IL1RAPL1: variants seen among roughly 807,000 people sequenced by gnomAD.
IL1RAPL1 encodes the protein interleukin-1 receptor accessory protein-like 1.
A neutral mutation model predicts 48.4 loss-of-function variants in IL1RAPL1; 3 were observed. The observed-to-expected ratio is 0.06, with a 90% CI of 0.03 to 0.16. The LOEUF is 0.16. IL1RAPL1 is among the 10% of genes least tolerant of loss of function. IL1RAPL1 has a pLI of 1.00. For missense variants in IL1RAPL1, 349 were observed against 530.6 expected (o/e 0.66, Z 3.36); for synonymous variants, 185 against 187.7 (o/e 0.99, Z 0.12).
chrX:29,451,369 A>G (rs1273641365), intron 5 of IL1RAPL1, among the ~76,000 whole-genome samples: 1 of 108,637 alleles, frequency 9.2e-6, no homozygotes, highest in Non-Finnish European at 1.9e-5. Flanking sequence ...TAATTTTTTT[A>G]TTTTTAATAG....
chrX:29,245,762 A>T (rs973856299), intron 2 of IL1RAPL1, among the ~76,000 whole-genome samples: 4 of 111,741 alleles, frequency 3.6e-5, no homozygotes, highest in Admixed American at 9.5e-5. Flanking sequence ...TTTGCTGTGC[A>T]GAAGCTTTTT....
intron 5 of IL1RAPL1, 38 bp downstream of exon 5, chrX:29,399,346 A>T (rs1602215080): frequency 9.3e-7 from 1 of 1,080,508 alleles, no homozygotes; most frequent in African/African-American, 1.8e-5. Flanking sequence ...GCAAGTGATG[A>T]AACTACTATT....
intron 6 of IL1RAPL1, among the ~76,000 whole-genome samples, chrX:29,808,572 G>T (rs997455882): frequency 1.7e-4 from 19 of 111,382 alleles, no homozygotes; most frequent in African/African-American, 5.5e-4. Context: ...CAAATCTTAT[G>T]TATGGTACTT....
intron 2 of IL1RAPL1, among the ~76,000 whole-genome samples, chrX:28,888,810 C>G: frequency 9.0e-6 from 1 of 111,022 alleles, no homozygotes. Flanking sequence ...ACTTGGTTTT[C>G]CTTTTTTTTA....
intron 5 of IL1RAPL1, among the ~76,000 whole-genome samples, chrX:29,496,036 C>A (rs1210047159): frequency 9.0e-6 from 1 of 111,315 alleles, no homozygotes. Context: ...GCAGTTATAT[C>A]ATACTGCAGC....
chrX:29,481,161 A>G (rs1935038484), intron 5 of IL1RAPL1, among the ~76,000 whole-genome samples: 1 of 112,778 alleles, frequency 8.9e-6, no homozygotes, highest in African/African-American at 3.2e-5. Context: ...CATCTTTAAA[A>G]TGACTAGATA....
At chrX:28,957,132 A>G (rs775175120) in intron 2 of IL1RAPL1, among the ~76,000 whole-genome samples, 1 of 110,389 alleles carries the variant, frequency 9.1e-6, no homozygotes, top group Non-Finnish European at 1.9e-5. Context: ...TTTTTATTGT[A>G]TCTATTTGAT....
intron 6 of IL1RAPL1, among the ~76,000 whole-genome samples, chrX:29,753,270 G>A (rs1015919707): frequency 1.8e-5 from 2 of 111,244 alleles, no homozygotes; most frequent in Non-Finnish European, 3.8e-5. Context: ...TTGTTTATTT[G>A]TCATCATTCC....
At chrX:29,037,844 A>G (rs1926762822) in intron 2 of IL1RAPL1, among the ~76,000 whole-genome samples, 1 of 111,927 alleles carries the variant, frequency 8.9e-6, no homozygotes, top group African/African-American at 3.3e-5. Flanking sequence ...TCTATCTCCA[A>G]CACTTCTTGT....
At chrX:28,702,307 A>G (rs968183561) in intron 1 of IL1RAPL1, among the ~76,000 whole-genome samples, 4 of 112,125 alleles carry the variant, frequency 3.6e-5, no homozygotes, top group Non-Finnish European at 5.6e-5. Context: ...GACTGTATTC[A>G]TAAATTGTAT....
chrX:28,646,609 G>A (rs949960818), intron 1 of IL1RAPL1, among the ~76,000 whole-genome samples: 1 of 112,322 alleles, frequency 8.9e-6, no homozygotes, highest in Admixed American at 9.4e-5. Context: ...GAGCAGTGTG[G>A]CAATTCTGAA....
chrX:28,676,759 A>C (rs1432785989), intron 1 of IL1RAPL1, among the ~76,000 whole-genome samples: 2 of 108,261 alleles, frequency 1.8e-5, no homozygotes, highest in Non-Finnish European at 3.8e-5. Flanking sequence ...ACAAAACAAA[A>C]CCCGCTTTCT....
intron 3 of IL1RAPL1, among the ~76,000 whole-genome samples, chrX:29,383,804 TA>T (rs1351893788): frequency 8.9e-6 from 1 of 111,866 alleles, no homozygotes; most frequent in Non-Finnish European, 1.9e-5. Flanking sequence ...TCATATAGAA[TA>T]AAAAAGTTCC....
At chrX:29,256,026 A>G (rs1307564533) in intron 2 of IL1RAPL1, among the ~76,000 whole-genome samples, 1 of 111,639 alleles carries the variant, frequency 9.0e-6, no homozygotes, top group Non-Finnish European at 1.9e-5. Context: ...TAACTGAGAA[A>G]TCTCCAAAAT....
chrX:29,694,188 A>G (rs1424233225), intron 6 of IL1RAPL1, among the ~76,000 whole-genome samples: 2 of 112,450 alleles, frequency 1.8e-5, no homozygotes, highest in South Asian at 3.7e-4. Flanking sequence ...GGAAATAGCT[A>G]TAAATGGATC....
intron 1 of IL1RAPL1, among the ~76,000 whole-genome samples, chrX:28,693,041 T>G: frequency 8.9e-6 from 1 of 112,314 alleles, no homozygotes; most frequent in Middle Eastern, 4.7e-3. Flanking sequence ...ATTTTTTTCA[T>G]TAACTTTTGT....
intron 6 of IL1RAPL1, among the ~76,000 whole-genome samples, chrX:29,837,641 G>A (rs1248894469): frequency 9.0e-6 from 1 of 111,163 alleles, no homozygotes; most frequent in African/African-American, 3.3e-5. Context: ...TTCTAAAACA[G>A]AACCTAACCT....
intron 5 of IL1RAPL1, among the ~76,000 whole-genome samples, chrX:29,402,841 C>T (rs1214341131): frequency 9.1e-6 from 1 of 109,937 alleles, no homozygotes; most frequent in Non-Finnish European, 1.9e-5. Context: ...GTCGAATGTC[C>T]TATATTTGGG....
chrX:29,677,386 G>A (rs777259130), intron 6 of IL1RAPL1, among the ~76,000 whole-genome samples: 6 of 111,541 alleles, frequency 5.4e-5, no homozygotes, highest in South Asian at 3.7e-4. Flanking sequence ...ATTGATTTTC[G>A]ATTAGCAGTG....
Sources: gnomAD v4.1 joint callset for allele counts (sites outside exome capture counted in the v4.1 genomes callset) on GRCh38, gnomAD v4.1.1 for gene constraint, MANE v1.5 for transcripts, NCBI Gene and HGNC (gene_info 2026-07-23, HGNC 2026-07-21) for gene names.